Variants in MBOAT7 observed in about 807,000 individuals in gnomAD.
MBOAT7 encodes membrane bound acylglycerophosphatidylinositol O-acyltransferase MBOAT7.
A neutral mutation model predicts 47.4 loss-of-function variants in MBOAT7; 40 were observed. That is an observed-to-expected ratio of 0.84 (90% confidence interval 0.66 to 1.10). The LOEUF is 1.10. Ranked by LOEUF, MBOAT7 falls within the 50% of genes least tolerant of loss-of-function variation. The probability of loss-of-function intolerance (pLI) is 0.00; values close to 1 mark genes in which losing one functional copy is unlikely to be tolerated. For missense variants in MBOAT7, 680 were observed against 655.6 expected (o/e 1.04, Z -0.41); for synonymous variants, 361 against 292.0 (o/e 1.24, Z -2.41).
chr19:54,178,597 G>T (rs757167925), intron 7 of MBOAT7, 168 bp downstream of exon 7: 1 of 1,429,804 alleles, frequency 7.0e-7, no homozygotes, highest in Non-Finnish European at 9.1e-7. Context: ...ATTTTACACC[G>T]GCATGCTGCC....
At chr19:54,187,435 G>T in intron 3 of MBOAT7, 148 bp from the exon 4 acceptor site, 1 of 981,864 alleles carries the variant, frequency 1.0e-6, no homozygotes, top group African/African-American at 1.6e-5. Flanking sequence ...CAGGAGGGTG[G>T]ATGTAGGGAC....
At chr19:54,182,338 T>C (rs1032580103) in intron 5 of MBOAT7, among the ~76,000 whole-genome samples, 3 of 152,246 alleles carry the variant, frequency 2.0e-5, no homozygotes, top group Middle Eastern at 6.8e-3. Flanking sequence ...TCTTTACAGA[T>C]AGAAAGTCAA....
rs2076508329 is a variant in MBOAT7, at chr19:54,188,200, C to A, written c.206+17G>T. The A allele has an allele frequency of 6.3e-7, 1 of 1,589,140 alleles. No homozygotes were observed. On this transcript the variant is annotated intron_variant, in intron 3 of 7. Coordinates refer to ENST00000245615, the MANE Select transcript of MBOAT7 (RefSeq NM_024298.5). ...CTCTCCCCTCCTCTCCCTCTCCTCCCTCCACCAAATTCTCACCAGGGCTGG... is the reference window on the plus strand; with the variant it reads ...CTCTCCCCTCCTCTCCCTCTCCTCCATCCACCAAATTCTCACCAGGGCTGG...
chr19:54,179,432 T>A (rs965267143), intron 6 of MBOAT7: 1 of 162,660 alleles, frequency 6.1e-6, no homozygotes, highest in African/African-American at 2.4e-5. Context: ...GAAAAGGCAT[T>A]CCTTAGCAAC....
chr19:54,183,283 A>G (rs1298939389), intron 5 of MBOAT7, among the ~76,000 whole-genome samples: 2 of 152,212 alleles, frequency 1.3e-5, no homozygotes, highest in Admixed American at 6.5e-5. Flanking sequence ...CTTTGCTCCC[A>G]ATACGCTACA....
chr19:54,188,334 T>A lies in MBOAT7; in HGVS notation c.89A>T (p.Lys30Met). 1.2e-6 allele frequency: 2 copies of A among 1,613,784 alleles called. No individual in the cohort carries two copies. Among genetic ancestry groups the A allele is most frequent in the Non-Finnish European group, 1.7e-6 (2 of 1,179,858 alleles). The change falls in exon 3 of 8, where the codon AAG becomes ATG. Residue 30 changes from lysine to methionine, a missense_variant. Lys to Met is a moderately conservative substitution (Grantham distance 95). Coordinates refer to ENST00000245615, the MANE Select transcript of MBOAT7 (RefSeq NM_024298.5). ...GCCCACAGCGGCTGCTCCCCATCTC[T>A]TCAGCCCAGGACCTGCAGGGGGAAG... ...FLFKKAGPGLKRWGAAAVGLG... is the reference protein window; with the variant it reads ...FLFKKAGPGLMRWGAAAVGLG...
intron 7 of MBOAT7, among the ~76,000 whole-genome samples, chr19:54,177,214 C>A (rs1210553818): frequency 7.0e-6 from 1 of 142,416 alleles, no homozygotes; most frequent in African/African-American, 2.6e-5. Context: ...CCAAAACTTA[C>A]TCTTCCTGGG....
rs1404135520 is a variant in MBOAT7 at position 54,174,101 on chromosome 19, C to G, written c.1362G>C (p.Arg454=). ...GLALGGGSPS[R]RKAASQPTSL... ...TGGTGGGCTGGGATGCTGCCTTCCG[C>G]CGGCTGGGGCTGCCCCCACCTAAAG... Residue 454 remains arginine (R), a synonymous_variant, in exon 8 of 8, where the codon CGG becomes CGC. Transcript: ENST00000245615. The G allele has an allele frequency of 2.5e-6, 4 of 1,606,914 alleles. No homozygotes were observed. The African/African-American group carries it at 5.4e-5, about 22-fold the overall frequency.
intron 7 of MBOAT7, 144 bp downstream of exon 7, chr19:54,178,621 G>A: frequency 7.0e-7 from 1 of 1,434,590 alleles, no homozygotes; most frequent in Non-Finnish European, 9.1e-7. Context: ...ATAATTAGAG[G>A]CAGGGCAAAA....
At chr19:54,182,687 C>T (rs1002663137) in intron 5 of MBOAT7, among the ~76,000 whole-genome samples, 3 of 152,112 alleles carry the variant, frequency 2.0e-5, no homozygotes, top group African/African-American at 4.8e-5. Context: ...TATATATACA[C>T]ACATGCACAC....
chr19:54,180,672 C>T lies in MBOAT7; in HGVS notation c.854+101G>A, dbSNP rs1026018020. The T allele has an allele frequency of 1.7e-6, 2 of 1,162,310 alleles. No homozygotes were observed. The highest frequency in any genetic ancestry group is 2.3e-6 in the Non-Finnish European group (2 of 853,578). 72.0% of individuals were successfully genotyped at this position (1,162,310 alleles called of 1,614,324 possible). On this transcript the variant is annotated intron_variant, in intron 6 of 7. Coordinates refer to ENST00000245615, the MANE Select transcript of MBOAT7 (RefSeq NM_024298.5). This position sits in a 1 kb window ranked among gnomAD's most constrained non-coding sequence, Gnocchi z 5.2. ...ACACTCTGCTCAAAAAGGTGGTGGC[C>T]CTGGCCCCTTGCTCCCCGCTCTCCT...
intron 5 of MBOAT7, among the ~76,000 whole-genome samples, chr19:54,181,550 C>A (rs1055799661): frequency 7.9e-6 from 1 of 125,834 alleles, no homozygotes; most frequent in African/African-American, 3.0e-5. Context: ...ACTGGGGAGG[C>A]TGAGGCGGGA....
intron 5 of MBOAT7, among the ~76,000 whole-genome samples, chr19:54,182,622 A>G (rs540388195): frequency 1.5e-4 from 23 of 152,282 alleles, no homozygotes; most frequent in African/African-American, 5.3e-4. Flanking sequence ...GTAAACATTA[A>G]TGAAAAATAT....
At position 54,175,132 on chromosome 19, in the gene MBOAT7, C is replaced by T. The variant is rs184827580; in HGVS notation, c.1032-701G>A. 3.0e-3 allele frequency among the ~76,000 whole-genome samples: 458 copies of T among 152,106 alleles called. 2 individuals carry two copies. Among genetic ancestry groups the T allele is most frequent in the Non-Finnish European group, 3.9e-3 (265 of 67,964 alleles). Reference sequence around the variant, plus strand: ...CTGGGACTACAGGCGCCTGCCACCACGCCCGGCTAATTTTCTTTTCTATTT... The same window carrying T: ...CTGGGACTACAGGCGCCTGCCACCATGCCCGGCTAATTTTCTTTTCTATTT... On this transcript the variant is annotated intron_variant, in intron 7 of 7. Transcript: ENST00000245615.
intron 4 of MBOAT7, 138 bp downstream of exon 4, chr19:54,187,023 G>C: frequency 9.3e-7 from 1 of 1,069,790 alleles, no homozygotes; most frequent in Middle Eastern, 3.1e-4. Flanking sequence ...CTGTGCCCAG[G>C]GCAGCAAGTG....
At chr19:54,187,508 G>A (rs1395218814) in intron 3 of MBOAT7, among the ~76,000 whole-genome samples, 1 of 152,202 alleles carries the variant, frequency 6.6e-6, no homozygotes, top group Non-Finnish European at 1.5e-5. Context: ...CACACCAACA[G>A]AGAATGAGGT....
At chr19:54,179,851 G>C (rs2076215678) in intron 6 of MBOAT7, 1 of 152,078 alleles carries the variant, frequency 6.6e-6, no homozygotes, top group African/African-American at 2.4e-5. Context: ...ACATCAACAG[G>C]CTGTTCCCCC....
rs1325071539 is a variant in MBOAT7 at position 54,173,720 on chromosome 19, A to G, written c.*324T>C. The G allele has an allele frequency of 1.8e-5, 6 of 333,148 alleles. No individual in the cohort carries two copies. Among genetic ancestry groups the G allele is most frequent in the Non-Finnish European group, 3.3e-5 (6 of 183,244 alleles). The allele number at this position is 333,148 out of a possible 1,614,324, so 20.6% of individuals were successfully genotyped here. A position where few individuals can be genotyped will look rare whatever the true frequency, so the allele number is the denominator to read the frequency against. On this transcript the variant is annotated 3_prime_UTR_variant, in exon 8 of 8. Coordinates refer to ENST00000245615, the MANE Select transcript of MBOAT7 (RefSeq NM_024298.5). ...GACCCCACATTGTGGATGCAAAGAA[A>G]GGGAATTTGCCCAAAACCCACTGCC...
At position 54,173,661 on chromosome 19, in the gene MBOAT7, G is replaced by A. The variant is rs377278786; in HGVS notation, c.*383C>T. On this transcript the variant is annotated 3_prime_UTR_variant, in exon 8 of 8. Transcript: ENST00000245615. ...AGTGGAGCGAAAGACACAAGGAAGAGGCTTCCCACTCCCAGGACCTGCCCC... is the reference window on the plus strand; with the variant it reads ...AGTGGAGCGAAAGACACAAGGAAGAAGCTTCCCACTCCCAGGACCTGCCCC... 4.1e-5 allele frequency: 10 copies of A among 243,978 alleles called. No individual in the cohort carries two copies. The East Asian group carries it at 4.8e-4, about 12-fold the overall frequency. 15.1% of individuals were successfully genotyped at this position (243,978 alleles called of 1,614,324 possible).
Sources: allele counts gnomAD v4.1 joint callset (sites outside exome capture counted in the v4.1 genomes callset), GRCh38; gene constraint gnomAD v4.1.1; non-coding constraint Gnocchi (gnomAD v3.1); transcripts MANE v1.5; gene names NCBI Gene and HGNC (gene_info 2026-07-23, HGNC 2026-07-21).